CELF2: variants seen among roughly 807,000 people sequenced by gnomAD.
The protein encoded by CELF2 is CUG triplet repeat RNA-binding protein 2.
In CELF2, 8 loss-of-function variants were observed where a neutral mutation model predicts 62.6. The ratio of observed to expected loss-of-function variants is 0.13; its 90% CI spans 0.07 to 0.23. The LOEUF (loss-of-function observed/expected upper bound fraction) is 0.23. Ranked by LOEUF, CELF2 falls within the 10% of genes least tolerant of loss-of-function variation. The probability of loss-of-function intolerance (pLI) is 1.00; values close to 1 mark genes in which losing one functional copy is unlikely to be tolerated. For missense variants in CELF2, 333 were observed against 671.0 expected, an observed-to-expected ratio of 0.50 and a Z score of 5.56; for synonymous variants, 258 against 250.0, an observed-to-expected ratio of 1.03 and a Z score of -0.30.
At chr10:10,605,622 T>C in the CELF2 span, among the ~76,000 whole-genome samples, 2 of 152,234 alleles carry the variant, frequency 1.3e-5, no homozygotes, top group South Asian at 2.1e-4. Flanking sequence ...GCTTAGAGCA[T>C]TGACTGGGCC....
chr10:10,475,791 G>C, the CELF2 span, among the ~76,000 whole-genome samples: 1 of 152,062 alleles, frequency 6.6e-6, no homozygotes, highest in African/African-American at 2.4e-5. Flanking sequence ...AATAATGAAT[G>C]CTTAAACTCT....
the CELF2 span, among the ~76,000 whole-genome samples, chr10:10,602,067 T>A: frequency 6.6e-6 from 1 of 152,212 alleles, no homozygotes. Context: ...AAGGACATGA[T>A]CTCATTCCTT....
intron 2 of CELF2, among the ~76,000 whole-genome samples, chr10:10,954,126 T>C (rs2048619390): frequency 4.0e-5 from 6 of 151,712 alleles, no homozygotes; most frequent in Admixed American, 3.9e-4. Flanking sequence ...GTGTAAATGA[T>C]GGGGTGAGAA....
the CELF2 span, among the ~76,000 whole-genome samples, chr10:10,577,802 T>C: frequency 1.3e-5 from 2 of 152,190 alleles, no homozygotes; most frequent in African/African-American, 4.8e-5. Context: ...CTATTGTGAA[T>C]ATTGCCACAA....
At chr10:11,081,109 G>T (rs766443470) in intron 1 of CELF2, among the ~76,000 whole-genome samples, 35 of 152,304 alleles carry the variant, frequency 2.3e-4, no homozygotes, top group Admixed American at 1.0e-3. Context: ...GGCAATTCCA[G>T]TCTTATAATA....
the CELF2 span, among the ~76,000 whole-genome samples, chr10:10,555,260 A>C: frequency 6.6e-6 from 1 of 150,476 alleles, no homozygotes; most frequent in Non-Finnish European, 1.5e-5. Context: ...TAGCAGAGAG[A>C]AACCTGGGAG....
chr10:11,062,664 G>A (rs967706805), intron 1 of CELF2, among the ~76,000 whole-genome samples: 7 of 152,174 alleles, frequency 4.6e-5, no homozygotes, highest in South Asian at 4.1e-4. Flanking sequence ...TGCTTCTTAC[G>A]GATGAGCAAA....
At chr10:11,197,070 GGA>G (rs1328306680) in intron 2 of CELF2, among the ~76,000 whole-genome samples, 1 of 78,100 alleles carries the variant, frequency 1.3e-5, no homozygotes, top group African/African-American at 5.8e-5. Context: ...AAGAAAGAAA[GGA>G]AAGAAAGAAA....
chr10:11,239,915 C>G (rs2073149393), intron 3 of CELF2, among the ~76,000 whole-genome samples: 1 of 152,092 alleles, frequency 6.6e-6, no homozygotes, highest in South Asian at 2.1e-4. Context: ...TTAGCCAGGC[C>G]TGGTGCAGGC....
chr10:10,545,026 C>T, the CELF2 span, among the ~76,000 whole-genome samples: 1 of 152,144 alleles, frequency 6.6e-6, no homozygotes. Context: ...CACTGTAATA[C>T]ACACCTCTCA....
At chr10:10,657,877 G>A in the CELF2 span, among the ~76,000 whole-genome samples, 2 of 152,272 alleles carry the variant, frequency 1.3e-5, no homozygotes, top group South Asian at 4.1e-4. Context: ...TCACCAAGAA[G>A]TACATGTATC....
chr10:10,650,771 G>C, the CELF2 span, among the ~76,000 whole-genome samples: 1 of 152,138 alleles, frequency 6.6e-6, no homozygotes, highest in African/African-American at 2.4e-5. Flanking sequence ...AAGTTTTAGC[G>C]TTCCTCAAAA....
chr10:11,156,882 G>T lies in CELF2; in HGVS notation c.75-8604G>T, dbSNP rs533091719. On this transcript the variant is annotated intron_variant, in intron 1 of 12. Coordinates refer to ENST00000633077, the MANE Select transcript of CELF2 (RefSeq NM_001326342.2). The surrounding 1 kb of genome is among the most constrained non-coding windows in gnomAD (Gnocchi z 4.3). ...CCAGTATGAAAGACAGGGAAGATGA[G>T]CCTAAAAGCTGATTGGAGGAAAAGA... 6.6e-6 allele frequency among the ~76,000 whole-genome samples: 1 copy of T among 152,324 alleles called. No individual in the cohort carries two copies. The highest frequency in any genetic ancestry group is 1.5e-5 in the Non-Finnish European group (1 of 68,028).
chr10:11,099,744 T>G (rs2050913845), intron 1 of CELF2, among the ~76,000 whole-genome samples: 1 of 152,186 alleles, frequency 6.6e-6, no homozygotes, highest in Non-Finnish European at 1.5e-5. Flanking sequence ...CTATACATTA[T>G]TGTGTAAATT....
chr10:10,899,135 GTC>G (rs780219488), intron 1 of CELF2, among the ~76,000 whole-genome samples: 51 of 152,210 alleles, frequency 3.4e-4, no homozygotes, highest in Non-Finnish European at 6.6e-4. Context: ...ACAAAGAAAA[GTC>G]TCAAATCAAT....
chr10:11,111,252 A>G (rs2055084184), intron 1 of CELF2, among the ~76,000 whole-genome samples: 1 of 152,234 alleles, frequency 6.6e-6, no homozygotes. Context: ...TTCTGTGATT[A>G]AAATAGGCAA....
At chr10:11,291,789 G>C (rs1438958769) in intron 9 of CELF2, among the ~76,000 whole-genome samples, 1 of 152,176 alleles carries the variant, frequency 6.6e-6, no homozygotes, top group African/African-American at 2.4e-5. Context: ...AAGGGGTGTA[G>C]CTAGGTATTA....
chr10:11,292,126 C>G (rs1216843352), intron 9 of CELF2, among the ~76,000 whole-genome samples: 1 of 152,064 alleles, frequency 6.6e-6, no homozygotes, highest in Non-Finnish European at 1.5e-5. Context: ...CACCATTGAC[C>G]CTTCAAAGAG....
At chr10:10,517,911 G>T in the CELF2 span, among the ~76,000 whole-genome samples, 2 of 152,246 alleles carry the variant, frequency 1.3e-5, no homozygotes, top group African/African-American at 2.4e-5. Context: ...TTCCTTTTCC[G>T]GCTTTCCAGC....
Sources: allele counts gnomAD v4.1 joint callset (sites outside exome capture counted in the v4.1 genomes callset), GRCh38; gene constraint gnomAD v4.1.1; non-coding constraint Gnocchi (gnomAD v3.1); transcripts MANE v1.5; gene names NCBI Gene and HGNC (gene_info 2026-07-23, HGNC 2026-07-21).